The following FGF12 variants were observed in gnomAD, a reference collection of about 807,000 sequenced individuals.
The protein encoded by FGF12 is fibroblast growth factor 12B.
A neutral mutation model predicts 23.6 loss-of-function variants in FGF12; 14 were observed. That is an observed-to-expected ratio of 0.59 (90% confidence interval 0.39 to 0.93). FGF12 has a LOEUF of 0.93. FGF12 is among the 40% of genes least tolerant of loss of function. The pLI, the probability that FGF12 is intolerant of heterozygous loss-of-function variation, is 0.00. For missense variants in FGF12, 175 were observed against 217.8 expected (o/e 0.80, Z 1.24); for synonymous variants, 62 against 77.3 (o/e 0.80, Z 1.04).
chr3:192,667,215 A>G (rs1716917012), intron 2 of FGF12, among the ~76,000 whole-genome samples: 1 of 152,170 alleles, frequency 6.6e-6, no homozygotes. Context: ...GAATGCTTTA[A>G]TAGAGGATCT....
chr3:192,593,657 C>T (rs1577069841), intron 2 of FGF12, among the ~76,000 whole-genome samples: 1 of 151,972 alleles, frequency 6.6e-6, no homozygotes, highest in Non-Finnish European at 1.5e-5. Flanking sequence ...AACAAACAAA[C>T]GAACCGAAAA....
chr3:192,423,820 C>T (rs1282118134), intron 2 of FGF12, among the ~76,000 whole-genome samples: 1 of 152,080 alleles, frequency 6.6e-6, no homozygotes, highest in Non-Finnish European at 1.5e-5. Flanking sequence ...CTAGTAGGTA[C>T]AAAATGACAC....
chr3:192,670,914 T>G (rs1251370413), intron 2 of FGF12, among the ~76,000 whole-genome samples: 1 of 152,154 alleles, frequency 6.6e-6, no homozygotes, highest in African/African-American at 2.4e-5. Context: ...CCAGGTACAG[T>G]GAAGATAGAT....
intron 2 of FGF12, among the ~76,000 whole-genome samples, chr3:192,713,259 G>A (rs1460776962): frequency 6.6e-6 from 1 of 152,174 alleles, no homozygotes; most frequent in Non-Finnish European, 1.5e-5. Context: ...GTGATAAAGG[G>A]AGAGACTTGA....
intron 4 of FGF12, among the ~76,000 whole-genome samples, chr3:192,180,295 G>C (rs1428657113): frequency 3.9e-5 from 6 of 152,114 alleles, no homozygotes; most frequent in Admixed American, 3.9e-4. Flanking sequence ...CAGTGGGTGA[G>C]GGGTATATTA....
intron 2 of FGF12, among the ~76,000 whole-genome samples, chr3:192,724,300 A>G (rs1048560913): frequency 6.6e-6 from 1 of 152,308 alleles, no homozygotes; most frequent in Non-Finnish European, 1.5e-5. Context: ...CCACATTTTG[A>G]CTATCAAGAG....
chr3:192,722,890 A>G (rs2108748118), intron 2 of FGF12, among the ~76,000 whole-genome samples: 1 of 152,360 alleles, frequency 6.6e-6, no homozygotes, highest in Middle Eastern at 3.4e-3. Flanking sequence ...AGAAATAAGC[A>G]CATTGGGTAC....
At chr3:192,358,167 T>C (rs1718560216) in intron 3 of FGF12, among the ~76,000 whole-genome samples, 1 of 151,990 alleles carries the variant, frequency 6.6e-6, no homozygotes, top group African/African-American at 2.4e-5. Context: ...TAGATATATA[T>C]GAGACATACA....
At chr3:192,685,339 C>G (rs1208633059) in intron 2 of FGF12, among the ~76,000 whole-genome samples, 1 of 152,250 alleles carries the variant, frequency 6.6e-6, no homozygotes, top group Non-Finnish European at 1.5e-5. Flanking sequence ...GCGTGAGCCA[C>G]TGTGCCTGGC....
chr3:192,265,722 G>C (rs1309062562), intron 4 of FGF12, among the ~76,000 whole-genome samples: 1 of 151,948 alleles, frequency 6.6e-6, no homozygotes, highest in African/African-American at 2.4e-5. Context: ...AGAGAGTCTG[G>C]TGTATACCAT....
chr3:192,247,219 T>C (rs1711674301), intron 4 of FGF12, among the ~76,000 whole-genome samples: 1 of 152,170 alleles, frequency 6.6e-6, no homozygotes, highest in African/African-American at 2.4e-5. Flanking sequence ...AACCCAAATC[T>C]GTAGGCATGC....
intron 4 of FGF12, among the ~76,000 whole-genome samples, chr3:192,332,844 A>T (rs1344170997): frequency 6.6e-6 from 1 of 152,106 alleles, no homozygotes; most frequent in East Asian, 1.9e-4. Flanking sequence ...GACATAGAAA[A>T]TTGCTTTTCA....
intron 2 of FGF12, among the ~76,000 whole-genome samples, chr3:192,692,914 G>A (rs1486442620): frequency 6.6e-6 from 1 of 151,710 alleles, no homozygotes; most frequent in African/African-American, 2.4e-5. Context: ...AGGCAAGGAT[G>A]CCTACTCTCA....
chr3:192,141,639 A>ATGAATAGC lies in FGF12; in HGVS notation c.*2362_*2369dup, dbSNP rs1713391133. On this transcript the variant is annotated 3_prime_UTR_variant, in exon 6 of 6. Transcript: ENST00000445105. ...CAAATGTGAGTCTAGATGATAAATG[A>ATGAATAGC]TGAATAGCCACTGAAAATGGAGGAA... The ATGAATAGC allele has an allele frequency of 6.6e-6, 1 of 152,078 alleles. No individual in the cohort carries two copies. The highest frequency in any genetic ancestry group is 2.1e-4 in the South Asian group (1 of 4,834). 9.4% of individuals were successfully genotyped at this position (152,078 alleles called of 1,614,324 possible).
At chr3:192,698,428 A>G (rs1577128068) in intron 2 of FGF12, among the ~76,000 whole-genome samples, 2 of 152,188 alleles carry the variant, frequency 1.3e-5, no homozygotes, top group East Asian at 3.9e-4. Context: ...TACAGGAATT[A>G]CACCAGGTTC....
intron 2 of FGF12, among the ~76,000 whole-genome samples, chr3:192,689,617 G>C (rs969403491): frequency 6.6e-6 from 1 of 151,598 alleles, no homozygotes; most frequent in Non-Finnish European, 1.5e-5. Flanking sequence ...ATATCATATA[G>C]TAAGAGTAGA....
Position 192,179,539 on chromosome 3 carries a change from T to C in FGF12, c.229-8883A>G, listed in dbSNP as rs374743757. Among the ~76,000 whole-genome samples the C allele has an allele frequency of 2.0e-5, 3 of 149,448 alleles. No homozygotes were observed. In the East Asian group the frequency reaches 6.1e-4, roughly 30 times the overall value. On this transcript the variant is annotated intron_variant, in intron 4 of 5. Coordinates refer to ENST00000445105, the MANE Select transcript of FGF12 (RefSeq NM_004113.6). ...AAGTTAAGGTTAATTATATCATCAC[T>C]GTAAGGTTGATTTTTTTTTTTTTTT... is the stretch of plus-strand genomic sequence containing the variant.
intron 2 of FGF12, among the ~76,000 whole-genome samples, chr3:192,494,732 T>C (rs1205385216): frequency 6.6e-6 from 1 of 152,162 alleles, no homozygotes; most frequent in African/African-American, 2.4e-5. Context: ...ATTTATTTAA[T>C]ATGTGGGACA....
intron 2 of FGF12, among the ~76,000 whole-genome samples, chr3:192,488,377 G>A (rs1157973251): frequency 6.6e-6 from 1 of 152,020 alleles, no homozygotes; most frequent in Non-Finnish European, 1.5e-5. Context: ...GGTCTAAATT[G>A]TATCTTCCAA....
Sources: gnomAD v4.1 joint callset for allele counts (sites outside exome capture counted in the v4.1 genomes callset) on GRCh38, gnomAD v4.1.1 for gene constraint, MANE v1.5 for transcripts, NCBI Gene and HGNC (gene_info 2026-07-23, HGNC 2026-07-21) for gene names.